Variants in PRR16 observed in about 807,000 individuals in gnomAD.
PRR16 encodes proline rich 16.
PRR16 carries 6 observed loss-of-function variants against 18.2 expected under a neutral mutation model. The ratio of observed to expected loss-of-function variants is 0.33; its 90% confidence interval spans 0.18 to 0.65. The LOEUF (loss-of-function observed/expected upper bound fraction) is 0.65, where lower values mean the gene tolerates loss of function less well. PRR16 is among the 30% of genes least tolerant of loss of function. The pLI is 0.74. For missense variants in PRR16, 412 were observed against 376.6 expected (o/e 1.09, Z -0.78); for synonymous variants, 151 against 147.8 (o/e 1.02, Z -0.16).
rs1021139446 is a variant in PRR16, at chr5:120,687,231, C to G, written c.*522C>G. The G allele has an allele frequency of 6.6e-5, 10 of 152,292 alleles. No individual in the cohort carries two copies. Among genetic ancestry groups the G allele is most frequent in the African/African-American group, 2.4e-4 (10 of 41,530 alleles). 9.4% of individuals were successfully genotyped at this position (152,292 alleles called of 1,614,324 possible). A position where few individuals can be genotyped will look rare whatever the true frequency, so the allele number is the denominator to read the frequency against. ...ATATTATACAATTATGAATTACATG[C>G]TCAGCTATATATGTAATAAAATACT... On this transcript the variant is annotated 3_prime_UTR_variant, in exon 2 of 2. Coordinates refer to ENST00000407149, the MANE Select transcript of PRR16 (RefSeq NM_001300783.2).
chr5:120,465,401 G>A lies in PRR16; in HGVS notation c.159+756G>A, dbSNP rs373921860. On this transcript the variant is annotated intron_variant, in intron 1 of 1. Coordinates refer to ENST00000407149, the MANE Select transcript of PRR16 (RefSeq NM_001300783.2). ...CGCGCAGGAGAGTGTATGTGTGGCC[G>A]GGGTCTTGCCATTGGCGTCCTGGCT... Among the ~76,000 whole-genome samples the A allele has an allele frequency of 8.7e-4, 133 of 152,354 alleles. 1 individual carries two copies. In the East Asian group the frequency reaches 0.014, roughly 16 times the overall value.
the PRR16 span, among the ~76,000 whole-genome samples, chr5:120,761,996 A>G: frequency 6.6e-6 from 1 of 152,072 alleles, no homozygotes; most frequent in Non-Finnish European, 1.5e-5. Context: ...TGCTTGGCTA[A>G]TTTTACATAA....
intron 1 of PRR16, among the ~76,000 whole-genome samples, chr5:120,572,193 A>G (rs985452350): frequency 9.9e-5 from 15 of 152,192 alleles, no homozygotes; most frequent in Non-Finnish European, 1.6e-4. Context: ...TGGTCAAAGC[A>G]GTCAGACAGC....
intron 1 of PRR16, among the ~76,000 whole-genome samples, chr5:120,640,676 A>G (rs1755391919): frequency 1.3e-5 from 2 of 152,254 alleles, no homozygotes; most frequent in South Asian, 4.1e-4. Context: ...TTCACAGGGT[A>G]ACTTTTGGCC....
intron 1 of PRR16, among the ~76,000 whole-genome samples, chr5:120,489,706 T>G (rs1580636826): frequency 6.6e-6 from 1 of 152,184 alleles, no homozygotes; most frequent in Non-Finnish European, 1.5e-5. Context: ...TGATGTTAGC[T>G]GGTTAGTTTG....
chr5:120,752,346 G>A, the PRR16 span, among the ~76,000 whole-genome samples: 4 of 152,010 alleles, frequency 2.6e-5, no homozygotes, highest in African/African-American at 4.8e-5. Flanking sequence ...GAGATAATGC[G>A]GGCCTGAGGA....
At chr5:120,464,707 C>T in intron 1 of PRR16, 62 bp downstream of exon 1, 1 of 1,433,106 alleles carries the variant, frequency 7.0e-7, no homozygotes, top group Middle Eastern at 2.4e-4. Context: ...GGTCCCCTTT[C>T]CGATTTTCAG....
the PRR16 span, among the ~76,000 whole-genome samples, chr5:120,743,820 T>C: frequency 6.6e-6 from 1 of 152,152 alleles, no homozygotes; most frequent in Admixed American, 6.5e-5. Context: ...CTTCTTCTTA[T>C]TTGCTTTAAT....
chr5:120,740,030 G>C, the PRR16 span, among the ~76,000 whole-genome samples: 1 of 152,036 alleles, frequency 6.6e-6, no homozygotes, highest in African/African-American at 2.4e-5. Flanking sequence ...CTAGGACCCC[G>C]GACTATTATT....
chr5:120,737,092 G>A, the PRR16 span, among the ~76,000 whole-genome samples: 1 of 152,024 alleles, frequency 6.6e-6, no homozygotes, highest in South Asian at 2.1e-4. Context: ...TTTACAATTT[G>A]GATTCCTTTT....
the PRR16 span, among the ~76,000 whole-genome samples, chr5:120,725,251 TA>T: frequency 9.9e-5 from 15 of 151,812 alleles, no homozygotes; most frequent in South Asian, 2.9e-3. Flanking sequence ...ATGATTAACT[TA>T]AGTCTCATAT....
the PRR16 span, among the ~76,000 whole-genome samples, chr5:120,714,570 G>T: frequency 7.4e-6 from 1 of 135,494 alleles, no homozygotes; most frequent in Non-Finnish European, 1.7e-5. Flanking sequence ...CATTGTAGAA[G>T]ACAGTATGGT....
At chr5:120,687,672 T>C (rs1003738554), downstream of PRR16, among the ~76,000 whole-genome samples, 4 of 152,198 alleles carry the variant, frequency 2.6e-5, no homozygotes, top group East Asian at 3.8e-4. Flanking sequence ...AGGAGAATTA[T>C]AGGGGGATAT....
the PRR16 span, among the ~76,000 whole-genome samples, chr5:120,707,782 A>C: frequency 1.3e-5 from 2 of 152,322 alleles, no homozygotes; most frequent in Non-Finnish European, 2.9e-5. Context: ...ATTGTTAGTA[A>C]AGATAATTTC....
Position 120,464,395 on chromosome 5 carries a change from G to A in PRR16, c.-92G>A. 9 of 1,397,472 alleles carry A rather than the reference G, an allele frequency of 6.4e-6. No homozygotes were observed. Among genetic ancestry groups the A allele is most frequent in the South Asian group, 1.4e-5 (1 of 70,692 alleles). The allele number at this position is 1,397,472 out of a possible 1,614,324, so 86.6% of individuals were successfully genotyped here. A position where few individuals can be genotyped will look rare whatever the true frequency, so the allele number is the denominator to read the frequency against. On this transcript the variant is annotated 5_prime_UTR_variant, in exon 1 of 2. Transcript: ENST00000407149. ...AGCGCCCAAGATGTGGGGGGACCGGGGCGGCAGCGGCCGTAGCAGCGCCAG... is the reference window on the plus strand; with the variant it reads ...AGCGCCCAAGATGTGGGGGGACCGGAGCGGCAGCGGCCGTAGCAGCGCCAG...
chr5:120,693,216 C>G, the PRR16 span, among the ~76,000 whole-genome samples: 1 of 152,168 alleles, frequency 6.6e-6, no homozygotes, highest in African/African-American at 2.4e-5. Context: ...CCTTCTAGAT[C>G]TTAAGTGCTC....
intron 1 of PRR16, among the ~76,000 whole-genome samples, chr5:120,660,218 T>C (rs2150137891): frequency 6.6e-6 from 1 of 152,238 alleles, no homozygotes; most frequent in Non-Finnish European, 1.5e-5. Flanking sequence ...ATGTTACAGT[T>C]ATTACATAAT....
At chr5:120,531,234 T>C (rs537270393) in intron 1 of PRR16, among the ~76,000 whole-genome samples, 1 of 152,310 alleles carries the variant, frequency 6.6e-6, no homozygotes, top group Non-Finnish European at 1.5e-5. Flanking sequence ...GGTGGTAGTT[T>C]TATGGCAAAT....
intron 1 of PRR16, among the ~76,000 whole-genome samples, chr5:120,506,201 A>G (rs973537903): frequency 2.0e-5 from 3 of 152,018 alleles, no homozygotes; most frequent in African/African-American, 7.2e-5. Flanking sequence ...CCATGTGGGT[A>G]TGCTTGTTTT....
Sources: gnomAD v4.1 joint callset for allele counts (sites outside exome capture counted in the v4.1 genomes callset) on GRCh38, gnomAD v4.1.1 for gene constraint, MANE v1.5 for transcripts, NCBI Gene and HGNC (gene_info 2026-07-23, HGNC 2026-07-21) for gene names.